The following OLFM3 variants were observed in gnomAD, a reference collection of about 807,000 sequenced individuals.
The protein encoded by OLFM3 is noelin-3.
A neutral mutation model predicts 48.6 loss-of-function variants in OLFM3; 20 were observed. The observed-to-expected ratio is 0.41, with a 90% confidence interval of 0.29 to 0.60. OLFM3 has a LOEUF of 0.60. OLFM3 is among the 20% of genes least tolerant of loss of function. The probability of loss-of-function intolerance (pLI) is 0.28; values close to 1 mark genes in which losing one functional copy is unlikely to be tolerated. For missense variants in OLFM3, 437 were observed against 544.3 expected, an observed-to-expected ratio of 0.80 and a Z score of 1.96; for synonymous variants, 222 against 198.1, an observed-to-expected ratio of 1.12 and a Z score of -1.01.
intron 4 of OLFM3, among the ~76,000 whole-genome samples, chr1:101,819,411 G>A (rs1570515941): frequency 1.3e-5 from 2 of 152,126 alleles, no homozygotes; most frequent in South Asian, 2.1e-4. Flanking sequence ...ATTTGTATTG[G>A]GGAAAGATCA....
intron 1 of OLFM3, among the ~76,000 whole-genome samples, chr1:101,964,245 G>A (rs986486485): frequency 5.3e-5 from 8 of 152,070 alleles, no homozygotes; most frequent in Admixed American, 1.3e-4. Context: ...ACATGGGGGT[G>A]GGAGGAAAAG....
intron 1 of OLFM3, among the ~76,000 whole-genome samples, chr1:101,869,080 A>G (rs1488798102): frequency 1.3e-5 from 2 of 152,356 alleles, no homozygotes; most frequent in African/African-American, 4.8e-5. Flanking sequence ...ATGTGGGGTC[A>G]GAGCCCCACA....
At position 101,836,935 on chromosome 1, in the gene OLFM3, G is replaced by A; in HGVS notation, c.160C>T (p.Gln54Ter). Residue 54 changes from glutamine (Q) to a stop codon, truncating the protein, a stop_gained, in exon 2 of 6, where the codon CAA (glutamine) becomes TAA (stop). Coordinates refer to ENST00000370103, the MANE Select transcript of OLFM3 (RefSeq NM_058170.4). LOFTEE classifies it high-confidence loss of function. ...TTGGCATCCCGGGAACACAGGTTTT[G>A]TTCTGGAGCAACAACTGTGCAAATG... Reference protein sequence around the residue: ...RCICTVVAPEQNLCSRDAKSR... With the variant: ...RCICTVVAPE 6.2e-7 allele frequency: 1 copy of A among 1,614,174 alleles called. No individual in the cohort carries two copies. The highest frequency in any genetic ancestry group is 8.5e-7 in the Non-Finnish European group (1 of 1,180,018).
Position 101,804,580 on chromosome 1 carries a change from A to T in OLFM3, c.1035T>A (p.Asn345Lys). Residue 345 changes from asparagine (N) to lysine (K), a missense_variant, in exon 6 of 6, where the codon AAT (asparagine) becomes AAA (lysine). Asn to Lys is a moderately conservative substitution (Grantham distance 94). This residue lies in a region of OLFM3 where 108 missense variants were observed against 135.8 expected (regional missense o/e 0.80). Coordinates refer to ENST00000370103, the MANE Select transcript of OLFM3 (RefSeq NM_058170.4). This position sits in a 1 kb window ranked among gnomAD's most constrained non-coding sequence, Gnocchi z 4.5. ...GLWAVYATNQ[N>K]AGNIVISQLN... ...GTTGGCTGATGACAATATTGCCTGC[A>T]TTCTGGTTAGTTGCATACACAGCCC... 6.2e-7 allele frequency: 1 copy of T among 1,612,570 alleles called. No individual in the cohort carries two copies.
rs555315506 is a variant in OLFM3, at chr1:101,996,882, T to C, written c.-66A>G. 25 of 1,519,868 alleles carry C rather than the reference T, an allele frequency of 1.6e-5. 1 individual carries two copies. In the South Asian group the frequency reaches 2.0e-4, roughly 12 times the overall value. The allele number at this position is 1,519,868 out of a possible 1,614,324, so 94.1% of individuals were successfully genotyped here. A position where few individuals can be genotyped will look rare whatever the true frequency, so the allele number is the denominator to read the frequency against. On this transcript the variant is annotated 5_prime_UTR_variant, in exon 1 of 6. Coordinates refer to ENST00000370103, the MANE Select transcript of OLFM3 (RefSeq NM_058170.4). ...AGGCTCTCCACTCACTGCAGAGACC[T>C]TTCCCTCGTCAGTTGCACTTTCTGC... is the stretch of plus-strand genomic sequence containing the variant.
chr1:101,804,340 G>T lies in OLFM3; in HGVS notation c.1275C>A (p.Asp425Glu), dbSNP rs749323123. ...AGAGAGCTCGATCTCTTGCATTGTA[G>T]TCAAGCATGGATATGTGAAAGTATT... The part of the protein sequence containing the change: ...HNQYFHISML[D>E]YNARDRALYA... The change falls in exon 6 of 6, where the codon GAC (aspartate) becomes GAA (glutamate). Residue 425 changes from aspartate to glutamate, a missense_variant. Physicochemically the swap from Asp to Glu is conservative, Grantham distance 45. Transcript: ENST00000370103. The surrounding 1 kb of genome is among the most constrained non-coding windows in gnomAD (Gnocchi z 4.5). 3.1e-6 allele frequency: 5 copies of T among 1,612,206 alleles called. No homozygotes were observed. In the East Asian group the frequency reaches 1.1e-4, roughly 36 times the overall value.
intron 1 of OLFM3, among the ~76,000 whole-genome samples, chr1:101,904,317 G>A (rs1020928390): frequency 3.9e-5 from 6 of 152,068 alleles, no homozygotes; most frequent in African/African-American, 1.2e-4. Flanking sequence ...ATCATGTCAG[G>A]CAGGAGGAAA....
chr1:101,804,024 C>A lies in OLFM3; in HGVS notation c.*214G>T. The A allele has an allele frequency of 2.6e-6, 1 of 388,526 alleles. No homozygotes were observed. Among genetic ancestry groups the A allele is most frequent in the Non-Finnish European group, 4.6e-6 (1 of 219,304 alleles). 24.1% of individuals were successfully genotyped at this position (388,526 alleles called of 1,614,324 possible). A position where few individuals can be genotyped will look rare whatever the true frequency, so the allele number is the denominator to read the frequency against. On this transcript the variant is annotated 3_prime_UTR_variant, in exon 6 of 6. Transcript: ENST00000370103. This position sits in a 1 kb window ranked among gnomAD's most constrained non-coding sequence, Gnocchi z 4.5. ...TTTTTAGTGCTTTTCATGACAAGGA[C>A]ATGATAGGCCTTGTAAATTTAGAAG...
chr1:101,867,176 C>T (rs542561391), intron 1 of OLFM3, among the ~76,000 whole-genome samples: 2 of 152,252 alleles, frequency 1.3e-5, no homozygotes, highest in African/African-American at 4.8e-5. Flanking sequence ...CCAAGGAAGG[C>T]TAAAAACATG....
At chr1:101,871,951 T>C (rs1657099659) in intron 1 of OLFM3, among the ~76,000 whole-genome samples, 1 of 152,066 alleles carries the variant, frequency 6.6e-6, no homozygotes, top group African/African-American at 2.4e-5. Context: ...AAATGAATTA[T>C]TACTGTGTGA....
At chr1:101,821,624 G>C (rs1292857592) in intron 4 of OLFM3, among the ~76,000 whole-genome samples, 1 of 152,026 alleles carries the variant, frequency 6.6e-6, no homozygotes. Context: ...AAACTAACCA[G>C]TTATTGAGAT....
At chr1:101,926,432 A>G (rs1557733539) in intron 1 of OLFM3, among the ~76,000 whole-genome samples, 1 of 152,302 alleles carries the variant, frequency 6.6e-6, no homozygotes, top group East Asian at 1.9e-4. Flanking sequence ...AGCCTTTGAT[A>G]GATCAATGGA....
chr1:101,957,604 A>G (rs1287988407), intron 1 of OLFM3, among the ~76,000 whole-genome samples: 1 of 152,090 alleles, frequency 6.6e-6, no homozygotes, highest in African/African-American at 2.4e-5. Flanking sequence ...GTTATTGCAC[A>G]GGAATTAAAT....
chr1:101,836,856 C>T, intron 2 of OLFM3, 23 bp downstream of exon 2: 5 of 1,611,000 alleles, frequency 3.1e-6, no homozygotes, highest in Non-Finnish European at 4.2e-6. Context: ...TAAAAATATG[C>T]ATAGGGGACA....
At chr1:101,947,862 C>G (rs994928586) in intron 1 of OLFM3, among the ~76,000 whole-genome samples, 2 of 152,098 alleles carry the variant, frequency 1.3e-5, no homozygotes, top group Non-Finnish European at 2.9e-5. Context: ...TTCAACAAGA[C>G]TAAATCAATT....
In OLFM3 at chr1:101,804,766, A is replaced by G. The variant is rs1229155294; in HGVS notation, c.849T>C (p.Tyr283=). The change falls in exon 6 of 6, where the codon TAT becomes TAC. Residue 283 remains tyrosine (Y), a synonymous_variant. Coordinates refer to ENST00000370103, the MANE Select transcript of OLFM3 (RefSeq NM_058170.4). This position sits in a 1 kb window ranked among gnomAD's most constrained non-coding sequence, Gnocchi z 4.5. ...TNHVVYNGSL[Y]FNKYQSNIII... is the part of the protein sequence containing the mutation. Reference sequence around the variant, plus strand: ...TGATATTACTCTGATACTTGTTAAAATAGAGTGAGCCATTGTAGACAACAT... The same window carrying G: ...TGATATTACTCTGATACTTGTTAAAGTAGAGTGAGCCATTGTAGACAACAT... 6.2e-7 allele frequency: 1 copy of G among 1,612,742 alleles called. No homozygotes were observed. The highest frequency in any genetic ancestry group is 1.3e-5 in the African/African-American group (1 of 74,906).
At chr1:101,887,830 A>C (rs1006755785) in intron 1 of OLFM3, among the ~76,000 whole-genome samples, 1 of 152,104 alleles carries the variant, frequency 6.6e-6, no homozygotes, top group Admixed American at 6.6e-5. Context: ...TATACAGAAA[A>C]AAAAAAGCAT....
intron 2 of OLFM3, among the ~76,000 whole-genome samples, chr1:101,834,659 T>C (rs2100919289): frequency 6.6e-6 from 1 of 152,334 alleles, no homozygotes; most frequent in Middle Eastern, 3.4e-3. Context: ...TCTGTTGCTC[T>C]AAAACTACCA....
intron 1 of OLFM3, chr1:101,893,384 C>G: frequency 2.6e-6 from 1 of 378,532 alleles, no homozygotes; most frequent in South Asian, 2.5e-5. Context: ...CCATGGGGAA[C>G]AGATCAGTCC....
Sources: gnomAD v4.1 joint callset for allele counts (sites outside exome capture counted in the v4.1 genomes callset) on GRCh38, gnomAD v4.1.1 for gene constraint, gnomAD v4.1.1 regional missense constraint, Gnocchi (gnomAD v3.1) non-coding constraint, MANE v1.5 for transcripts, NCBI Gene and HGNC (gene_info 2026-07-23, HGNC 2026-07-21) for gene names.